RREB1: variants seen among roughly 807,000 people sequenced by gnomAD.
RREB1 encodes the protein ras responsive element binding protein 1, also known as ras-responsive element-binding protein 1.
RREB1 carries 27 observed loss-of-function variants against 117.8 expected under a neutral mutation model. That is an observed-to-expected ratio of 0.23 (90% confidence interval 0.17 to 0.32). The LOEUF is 0.32. Ranked by LOEUF, RREB1 falls within the 10% of genes least tolerant of loss-of-function variation. The probability of loss-of-function intolerance (pLI) is 1.00; values close to 1 mark genes in which losing one functional copy is unlikely to be tolerated. For synonymous variants in RREB1, 1,298 were observed against 1,026.7 expected, an observed-to-expected ratio of 1.26 and a Z score of -5.05; for missense variants, 2,577 against 2,378.2, an observed-to-expected ratio of 1.08 and a Z score of -1.74.
intron 1 of RREB1, among the ~76,000 whole-genome samples, chr6:7,117,129 CTGTG>C (rs1389424706): frequency 6.6e-6 from 1 of 152,152 alleles, no homozygotes; most frequent in African/African-American, 2.4e-5. Flanking sequence ...TTGTATGTGT[CTGTG>C]TATGTGCAGT....
intron 8 of RREB1, chr6:7,214,112 T>C (rs1174347799): frequency 6.6e-6 from 1 of 152,296 alleles, no homozygotes; most frequent in Non-Finnish European, 1.5e-5. Flanking sequence ...AGATGGGCAT[T>C]GCACTGGACG....
intron 1 of RREB1, among the ~76,000 whole-genome samples, chr6:7,174,035 G>A (rs1036010644): frequency 6.6e-5 from 10 of 151,984 alleles, no homozygotes; most frequent in African/African-American, 1.9e-4. Flanking sequence ...TTGACTTTGC[G>A]TAAATCTTGT....
chr6:7,157,953 C>T (rs575517911), intron 1 of RREB1, among the ~76,000 whole-genome samples: 1 of 152,176 alleles, frequency 6.6e-6, no homozygotes, highest in African/African-American at 2.4e-5. Context: ...CTGTGCCCTA[C>T]CAGGGGTGTT....
rs151058500 is a variant in RREB1 at position 7,172,143 on chromosome 6, A to G, written c.-284-4512A>G. 1.2e-3 allele frequency among the ~76,000 whole-genome samples: 181 copies of G among 152,174 alleles called. 2 individuals carry two copies. The East Asian group carries it at 0.029, about 24-fold the overall frequency. ...AAATTTCTTATAGAGATGTGGTCTC[A>G]CTTCGTTGCCCAGGCTGGTCTCAAA... On this transcript the variant is annotated intron_variant, in intron 1 of 12. Transcript: ENST00000379938.
chr6:7,132,558 T>C (rs1231837695), intron 1 of RREB1, among the ~76,000 whole-genome samples: 1 of 152,226 alleles, frequency 6.6e-6, no homozygotes, highest in East Asian at 1.9e-4. Flanking sequence ...TCAGTATTTG[T>C]TGAAGGAATG....
chr6:7,136,434 GTTAT>G (rs1762351980), intron 1 of RREB1, among the ~76,000 whole-genome samples: 1 of 152,116 alleles, frequency 6.6e-6, no homozygotes, highest in South Asian at 2.1e-4. Context: ...TGTAAGAGAT[GTTAT>G]TTATTTATTT....
chr6:7,112,333 G>A (rs1351790856), intron 1 of RREB1, among the ~76,000 whole-genome samples: 1 of 152,068 alleles, frequency 6.6e-6, no homozygotes, highest in Non-Finnish European at 1.5e-5. Flanking sequence ...TAAGCCTGTT[G>A]TAAGCCAAAA....
chr6:7,117,700 C>T (rs747866588), intron 1 of RREB1, among the ~76,000 whole-genome samples: 16 of 152,088 alleles, frequency 1.1e-4, no homozygotes, highest in East Asian at 1.9e-4. Flanking sequence ...TGAGCCACCG[C>T]GCCCCACCAG....
At chr6:7,185,236 G>A (rs1003015491) in intron 4 of RREB1, 1 of 152,192 alleles carries the variant, frequency 6.6e-6, no homozygotes, top group African/African-American at 2.4e-5. Context: ...GTGTGAAAAT[G>A]TAGAGCATAC....
At chr6:7,180,035 G>A (rs1433821040) in intron 2 of RREB1, among the ~76,000 whole-genome samples, 1 of 151,998 alleles carries the variant, frequency 6.6e-6, no homozygotes, top group African/African-American at 2.4e-5. Flanking sequence ...TGTTTTTTTG[G>A]GGGGTGGGGG....
chr6:7,151,503 G>A (rs1763121385), intron 1 of RREB1, among the ~76,000 whole-genome samples: 1 of 152,218 alleles, frequency 6.6e-6, no homozygotes, highest in Non-Finnish European at 1.5e-5. Context: ...AAAGTGCTTG[G>A]GGTGTGCTGG....
chr6:7,130,627 T>C (rs1473843922), intron 1 of RREB1, among the ~76,000 whole-genome samples: 3 of 152,024 alleles, frequency 2.0e-5, no homozygotes, highest in Non-Finnish European at 2.9e-5. Context: ...TTTCTTTTTT[T>C]TTTTTTCGAG....
At chr6:7,243,181 A>C (rs966995259) in intron 11 of RREB1, among the ~76,000 whole-genome samples, 2 of 152,250 alleles carry the variant, frequency 1.3e-5, no homozygotes, top group African/African-American at 2.4e-5. Context: ...GAGTGCAGAC[A>C]CAGCAGCTTC....
intron 7 of RREB1, among the ~76,000 whole-genome samples, chr6:7,211,301 CAGGT>C (rs1766574625): frequency 2.4e-5 from 1 of 41,648 alleles, no homozygotes; most frequent in African/African-American, 9.3e-5. Flanking sequence ...AAGTACTTGT[CAGGT>C]GGGTGGGAGG....
chr6:7,142,884 C>T (rs902355899), intron 1 of RREB1, among the ~76,000 whole-genome samples: 1 of 152,228 alleles, frequency 6.6e-6, no homozygotes, highest in Non-Finnish European at 1.5e-5. Context: ...TAACTTTTCT[C>T]TTCTACACAT....
At chr6:7,196,095 C>T (rs1437907261) in intron 6 of RREB1, among the ~76,000 whole-genome samples, 3 of 152,174 alleles carry the variant, frequency 2.0e-5, no homozygotes, top group Non-Finnish European at 2.9e-5. Flanking sequence ...CACACGCACA[C>T]GTGGGATGCA....
intron 1 of RREB1, among the ~76,000 whole-genome samples, chr6:7,167,046 A>G (rs1167166948): frequency 1.3e-5 from 2 of 152,210 alleles, no homozygotes; most frequent in Non-Finnish European, 2.9e-5. Flanking sequence ...ATACATTGTC[A>G]TGGTGTCAGC....
At chr6:7,165,768 C>T (rs1367349548) in intron 1 of RREB1, among the ~76,000 whole-genome samples, 1 of 152,046 alleles carries the variant, frequency 6.6e-6, no homozygotes, top group Non-Finnish European at 1.5e-5. Context: ...TGGTGTTGAC[C>T]CAATTATTGC....
intron 1 of RREB1, among the ~76,000 whole-genome samples, chr6:7,165,638 A>G (rs1284799280): frequency 2.6e-5 from 4 of 152,154 alleles, no homozygotes. Flanking sequence ...TTCCCTGTTA[A>G]GGTGTGTCTG....
Sources: allele counts gnomAD v4.1 joint callset (sites outside exome capture counted in the v4.1 genomes callset), GRCh38; gene constraint gnomAD v4.1.1; transcripts MANE v1.5; gene names NCBI Gene and HGNC (gene_info 2026-07-23, HGNC 2026-07-21).